PPIP5K2: variants seen among roughly 807,000 people sequenced by gnomAD.
PPIP5K2 encodes diphosphoinositol pentakisphosphate kinase 2, also known as inositol hexakisphosphate and diphosphoinositol-pentakisphosphate kinase 2.
Under a neutral mutation model 154.6 loss-of-function variants are expected in PPIP5K2, and 105 were observed. The ratio of observed to expected loss-of-function variants is 0.68; its 90% CI spans 0.58 to 0.80. PPIP5K2 has a LOEUF of 0.80. PPIP5K2 is among the 30% of genes least tolerant of loss of function. PPIP5K2 has a pLI of 0.00. For synonymous variants in PPIP5K2, 480 were observed against 490.3 expected, an observed-to-expected ratio of 0.98 and a Z score of 0.28; for missense variants, 992 against 1,504.6, an observed-to-expected ratio of 0.66 and a Z score of 5.64.
At chr5:103,141,227 C>T (rs948565881) in intron 5 of PPIP5K2, among the ~76,000 whole-genome samples, 3 of 152,134 alleles carry the variant, frequency 2.0e-5, no homozygotes, top group African/African-American at 2.4e-5. Flanking sequence ...CAGACCCTCG[C>T]GGTGAGTGTT....
At chr5:103,135,898 G>A (rs1443617711) in intron 3 of PPIP5K2, 2 of 150,556 alleles carry the variant, frequency 1.3e-5, no homozygotes, top group Non-Finnish European at 2.9e-5. Flanking sequence ...TGTTGACCTA[G>A]CAATAGCATG....
chr5:103,196,172 G>A (rs1246556827), intron 30 of PPIP5K2, among the ~76,000 whole-genome samples: 31 of 152,002 alleles, frequency 2.0e-4, no homozygotes, highest in Admixed American at 1.8e-3. Context: ...CTATTAAAAT[G>A]TTTTCCCTTT....
intron 17 of PPIP5K2, among the ~76,000 whole-genome samples, chr5:103,163,993 A>G (rs1796749340): frequency 6.6e-6 from 1 of 151,998 alleles, no homozygotes; most frequent in African/African-American, 2.4e-5. Context: ...CTATTTGAGG[A>G]GAATAGTATA....
At position 103,168,075 on chromosome 5, in the gene PPIP5K2, T is replaced by G; in HGVS notation, c.2066T>G (p.Ile689Ser). The G allele has an allele frequency of 6.3e-7, 1 of 1,592,902 alleles. No homozygotes were observed. Among genetic ancestry groups the G allele is most frequent in the Non-Finnish European group, 8.6e-7 (1 of 1,167,418 alleles). Residue 689 changes from isoleucine (I) to serine (S), a missense_variant, in exon 19 of 31, where the codon ATT (isoleucine) becomes AGT (serine). Transcript: ENST00000358359. ...TAAAAATGTTATGTTGTTTTAGATA[T>G]TCAGCTTTACCATAGTGAAACATTG... ...HRMEDPKSSD[I>S]QLYHSETLEL...
chr5:103,197,031 C>T lies in PPIP5K2; in HGVS notation c.3619+2006C>T, dbSNP rs530470433. On this transcript the variant is annotated intron_variant, in intron 30 of 30. Transcript: ENST00000358359. ...AGGATCGACAGTACAATCAGATGTG[C>T]CACGAAGTTAAGATAGAAAAATGCT... 3.3e-5 allele frequency among the ~76,000 whole-genome samples: 5 copies of T among 152,162 alleles called. No individual in the cohort carries two copies. In the East Asian group the frequency reaches 5.8e-4, roughly 18 times the overall value.
intron 2 of PPIP5K2, among the ~76,000 whole-genome samples, chr5:103,132,093 A>G (rs1201259647): frequency 9.9e-5 from 15 of 152,172 alleles, no homozygotes; most frequent in Non-Finnish European, 4.4e-5. Context: ...ATAAGGGCAT[A>G]TAAAAGTGGA....
chr5:103,131,347 A>G (rs1790574251), intron 2 of PPIP5K2, among the ~76,000 whole-genome samples: 1 of 152,198 alleles, frequency 6.6e-6, no homozygotes, highest in Non-Finnish European at 1.5e-5. Flanking sequence ...AATACAATAT[A>G]AATGCTGTGT....
At position 103,179,502 on chromosome 5, in the gene PPIP5K2, G is replaced by A. The variant is rs1799190050; in HGVS notation, c.2755-519G>A. Among the ~76,000 whole-genome samples, 6 of 151,992 alleles carry A rather than the reference G, an allele frequency of 3.9e-5. No homozygotes were observed. In the South Asian group the frequency reaches 1.2e-3, roughly 32 times the overall value. ...CATCTGTGTCCTAGAACAATTCATG[G>A]CACATGTTATACACTTAGTAAATGC... is the stretch of plus-strand genomic sequence containing the variant. On this transcript the variant is annotated intron_variant, in intron 23 of 30. Coordinates refer to ENST00000358359, the MANE Select transcript of PPIP5K2 (RefSeq NM_001276277.3).
At position 103,170,391 on chromosome 5, in the gene PPIP5K2, C is replaced by T. The variant is rs958462287; in HGVS notation, c.2286+2096C>T. On this transcript the variant is annotated intron_variant, in intron 19 of 30. Transcript: ENST00000358359. Reference sequence around the variant, plus strand: ...CTGCAATTAGGTTAGATTTTCATGACGGTCTGAGAATTTATTTGAAGACAA... The same window carrying T: ...CTGCAATTAGGTTAGATTTTCATGATGGTCTGAGAATTTATTTGAAGACAA... Among the ~76,000 whole-genome samples, 8 of 151,640 alleles carry T rather than the reference C, an allele frequency of 5.3e-5. No individual in the cohort carries two copies. In the East Asian group the frequency reaches 1.3e-3, roughly 26 times the overall value.
intron 2 of PPIP5K2, among the ~76,000 whole-genome samples, chr5:103,130,188 G>A (rs963061987): frequency 1.3e-5 from 2 of 152,180 alleles, no homozygotes; most frequent in East Asian, 3.9e-4. Context: ...AGAAGGGTAG[G>A]CTACCTAAAA....
chr5:103,166,937 A>G (rs1797218493), intron 17 of PPIP5K2, among the ~76,000 whole-genome samples: 1 of 151,860 alleles, frequency 6.6e-6, no homozygotes, highest in Non-Finnish European at 1.5e-5. Flanking sequence ...GAGGTGAAGG[A>G]GGTGGAAGGG....
intron 25 of PPIP5K2, among the ~76,000 whole-genome samples, chr5:103,183,726 T>G (rs1799932317): frequency 6.6e-6 from 1 of 152,202 alleles, no homozygotes; most frequent in Non-Finnish European, 1.5e-5. Flanking sequence ...TTTTTTGACT[T>G]GTCTTTTAAA....
chr5:103,169,924 A>G (rs1196687923), intron 19 of PPIP5K2, among the ~76,000 whole-genome samples: 6 of 151,694 alleles, frequency 4.0e-5, no homozygotes, highest in Non-Finnish European at 5.9e-5. Context: ...GGCTGTCAGT[A>G]TATCTAAATG....
intron 21 of PPIP5K2, chr5:103,177,017 ATGATGGTGGG>A: frequency 2.7e-6 from 2 of 743,048 alleles, no homozygotes; most frequent in Admixed American, 3.5e-5. Context: ...CATGAACTAT[ATGATGGTGGG>A]AAAAAATGGC....
At chr5:103,134,809 T>C (rs984491192) in intron 3 of PPIP5K2, among the ~76,000 whole-genome samples, 6 of 152,210 alleles carry the variant, frequency 3.9e-5, no homozygotes, top group African/African-American at 1.4e-4. Flanking sequence ...CTTCAAATCA[T>C]AGACATTGAG....
chr5:103,142,043 G>T (rs1218821596), intron 5 of PPIP5K2, among the ~76,000 whole-genome samples: 2 of 152,338 alleles, frequency 1.3e-5, no homozygotes, highest in Middle Eastern at 6.8e-3. Flanking sequence ...GCACTCCTCA[G>T]CCCTTGGGTG....
chr5:103,179,515 A>C (rs1350248400), intron 23 of PPIP5K2, among the ~76,000 whole-genome samples: 11 of 152,104 alleles, frequency 7.2e-5, no homozygotes, highest in African/African-American at 2.4e-4. Flanking sequence ...CATGTTATAC[A>C]CTTAGTAAAT....
intron 30 of PPIP5K2, among the ~76,000 whole-genome samples, chr5:103,197,537 G>T (rs930528228): frequency 4.1e-4 from 52 of 125,826 alleles, no homozygotes; most frequent in African/African-American, 1.5e-3. Context: ...TTGGCTCTTT[G>T]TATTTCTGTT....
intron 4 of PPIP5K2, among the ~76,000 whole-genome samples, chr5:103,138,005 T>C (rs1200535220): frequency 1.3e-5 from 2 of 152,182 alleles, no homozygotes; most frequent in African/African-American, 4.8e-5. Flanking sequence ...TCTAGTATGC[T>C]GTGAACATTT....
Sources: allele counts gnomAD v4.1 joint callset (sites outside exome capture counted in the v4.1 genomes callset), GRCh38; gene constraint gnomAD v4.1.1; transcripts MANE v1.5; gene names NCBI Gene and HGNC (gene_info 2026-07-23, HGNC 2026-07-21).